Variants in PCDH11Y observed in about 807,000 individuals in gnomAD.
PCDH11Y encodes protocadherin 11 Y-linked.
For missense variants in PCDH11Y, 12 were observed against 224.8 expected (o/e 0.05, Z 6.05); for synonymous variants, 9 against 83.6 (o/e 0.11, Z 4.87).
chrY:5,292,842 T>G, intron 2 of PCDH11Y, among the ~76,000 whole-genome samples: 4 of 33,456 alleles, frequency 1.2e-4, no homozygotes, highest in African/African-American at 4.6e-4. Flanking sequence ...ACTGAGTTAT[T>G]TATTTGAAGG....
At chrY:5,195,208 CAT>C (rs2052917506) in intron 2 of PCDH11Y, among the ~76,000 whole-genome samples, 1 of 33,615 alleles carries the variant, frequency 3.0e-5, no homozygotes, top group Admixed American at 2.7e-4. Context: ...TGCAGCACCT[CAT>C]AGTGCAGCCG....
At chrY:5,468,960 A>C (rs1186499190) in intron 2 of PCDH11Y, among the ~76,000 whole-genome samples, 2,646 of 31,434 alleles carry the variant, frequency 0.084, no homozygotes, top group Non-Finnish European at 0.03. Flanking sequence ...ACCAAAATTC[A>C]TGTTAAAATC....
chrY:5,485,400 G>A (rs2124686243), intron 2 of PCDH11Y, among the ~76,000 whole-genome samples: 4 of 33,368 alleles, frequency 1.2e-4, no homozygotes, highest in Admixed American at 8.3e-4. Context: ...GTTCAAACAA[G>A]TGAACTGTAT....
intron 2 of PCDH11Y, among the ~76,000 whole-genome samples, chrY:5,414,041 C>A: frequency 3.0e-5 from 1 of 32,829 alleles, no homozygotes; most frequent in African/African-American, 1.2e-4. Flanking sequence ...TTTCAAAGAA[C>A]CAACTCCTGC....
chrY:5,509,162 A>T, intron 3 of PCDH11Y, among the ~76,000 whole-genome samples: 1 of 32,370 alleles, frequency 3.1e-5, no homozygotes, highest in South Asian at 6.8e-4. Context: ...CTCATGAGAG[A>T]AAAGTAGTAT....
At chrY:5,625,390 CTTTTTTTT>C (rs1237932380) in intron 4 of PCDH11Y, among the ~76,000 whole-genome samples, 2 of 5,485 alleles carry the variant, frequency 3.6e-4, no homozygotes, top group Non-Finnish European at 8.7e-4. Flanking sequence ...ATTTTCTTTT[CTTTTTTTT>C]TTTTTTTTTT....
intron 2 of PCDH11Y, among the ~76,000 whole-genome samples, chrY:5,461,083 T>TA: frequency 3.1e-5 from 1 of 32,754 alleles, no homozygotes; most frequent in Admixed American, 2.8e-4. Context: ...TAATTGGTGG[T>TA]AAAAAAAACT....
chrY:5,012,990 C>T, intron 1 of PCDH11Y, among the ~76,000 whole-genome samples: 1 of 30,077 alleles, frequency 3.3e-5, no homozygotes, highest in Non-Finnish European at 8.0e-5. Flanking sequence ...GCTGGGACTA[C>T]AGGCGCCCGC....
At chrY:5,710,534 G>A in intron 4 of PCDH11Y, among the ~76,000 whole-genome samples, 2 of 32,306 alleles carry the variant, frequency 6.2e-5, no homozygotes, top group Non-Finnish European at 1.5e-4. Context: ...ATAAAGAGGG[G>A]TACCGCAGAA....
chrY:5,444,506 A>G (rs2053285704), intron 2 of PCDH11Y, among the ~76,000 whole-genome samples: 1 of 33,088 alleles, frequency 3.0e-5, no homozygotes, highest in Non-Finnish European at 7.6e-5. Context: ...ATCATCAGGG[A>G]AATGCAAAAT....
At chrY:5,019,121 C>T in intron 1 of PCDH11Y, 8 of 33,621 alleles carry the variant, frequency 2.4e-4, no homozygotes. Context: ...GTATCTGTTC[C>T]TATCAGTTTA....
At chrY:5,429,780 C>T in intron 2 of PCDH11Y, among the ~76,000 whole-genome samples, 1 of 32,609 alleles carries the variant, frequency 3.1e-5, no homozygotes, top group Non-Finnish European at 7.5e-5. Context: ...AAACGATCCT[C>T]AACATCATCC....
intron 2 of PCDH11Y, among the ~76,000 whole-genome samples, chrY:5,451,736 T>G: frequency 3.0e-5 from 1 of 33,159 alleles, no homozygotes; most frequent in Non-Finnish European, 7.5e-5. Flanking sequence ...GAACAAACTG[T>G]GTAATAGAGA....
At chrY:5,383,778 C>A in intron 2 of PCDH11Y, among the ~76,000 whole-genome samples, 1 of 31,888 alleles carries the variant, frequency 3.1e-5, no homozygotes, top group East Asian at 8.7e-4. Flanking sequence ...ACTGCCATTT[C>A]CAGCTAATTT....
At chrY:5,290,419 T>C in intron 2 of PCDH11Y, among the ~76,000 whole-genome samples, 1 of 30,145 alleles carries the variant, frequency 3.3e-5, no homozygotes, top group African/African-American at 1.3e-4. Flanking sequence ...ACTTAGTTGA[T>C]AATATATTTT....
At chrY:5,229,172 A>C in intron 2 of PCDH11Y, among the ~76,000 whole-genome samples, 1 of 31,428 alleles carries the variant, frequency 3.2e-5, no homozygotes, top group Admixed American at 3.0e-4. Context: ...TTATATAGTG[A>C]ACTTCGTTGT....
chrY:5,334,234 G>T, intron 2 of PCDH11Y, among the ~76,000 whole-genome samples: 1 of 33,853 alleles, frequency 3.0e-5, no homozygotes, highest in Non-Finnish European at 7.3e-5. Context: ...TCCTACAAAG[G>T]CAGACTGGGC....
At chrY:5,630,536 G>A in intron 4 of PCDH11Y, among the ~76,000 whole-genome samples, 1 of 32,938 alleles carries the variant, frequency 3.0e-5, no homozygotes, top group Non-Finnish European at 7.5e-5. Flanking sequence ...TAGGTAGTAG[G>A]GGGGCAAATA....
At chrY:5,367,889 C>T (rs2053182891) in intron 2 of PCDH11Y, among the ~76,000 whole-genome samples, 1 of 31,009 alleles carries the variant, frequency 3.2e-5, no homozygotes, top group Non-Finnish European at 7.8e-5. Flanking sequence ...TCCAGCCAGG[C>T]ACGGTGGCTC....
Sources: gnomAD v4.1 joint callset for allele counts (sites outside exome capture counted in the v4.1 genomes callset) on GRCh38, gnomAD v4.1.1 for gene constraint, MANE v1.5 for transcripts, NCBI Gene and HGNC (gene_info 2026-07-23, HGNC 2026-07-21) for gene names.